PIGH: variants seen among roughly 807,000 people sequenced by gnomAD.
The protein encoded by PIGH is phosphatidylinositol glycan anchor biosynthesis class H.
PIGH carries 11 observed loss-of-function variants against 20.1 expected under a neutral mutation model. The observed-to-expected ratio is 0.55, with a 90% CI of 0.34 to 0.91. The LOEUF (loss-of-function observed/expected upper bound fraction) is 0.91. PIGH is among the 40% of genes least tolerant of loss of function. PIGH has a pLI of 0.02. For missense variants in PIGH, 189 were observed against 233.6 expected (o/e 0.81, Z 1.24); for synonymous variants, 72 against 93.1 (o/e 0.77, Z 1.31).
At chr14:67,598,550 G>A (rs2036515333) in intron 1 of PIGH, among the ~76,000 whole-genome samples, 1 of 152,116 alleles carries the variant, frequency 6.6e-6, no homozygotes, top group South Asian at 2.1e-4. Context: ...GCATCTGGCA[G>A]TCAGTGGGCA....
chr14:67,594,014 A>ATTGCC, intron 1 of PIGH, 62 bp from the exon 2 acceptor site: 1 of 1,092,578 alleles, frequency 9.2e-7, no homozygotes, highest in Non-Finnish European at 1.4e-6. Flanking sequence ...ACTCCAGGCA[A>ATTGCC]TGAGGGGAAC....
intron 1 of PIGH, among the ~76,000 whole-genome samples, chr14:67,596,910 A>G (rs2036486111): frequency 6.6e-6 from 1 of 152,200 alleles, no homozygotes; most frequent in Non-Finnish European, 1.5e-5. Context: ...CTTTTCCCCT[A>G]CTGTAATAGT....
chr14:67,593,274 G>A, intron 2 of PIGH: 1 of 178,388 alleles, frequency 5.6e-6, no homozygotes, highest in Non-Finnish European at 1.2e-5. Context: ...AGGATGGCTT[G>A]AGCCCAGGAA....
chr14:67,592,992 G>A (rs2036404270), intron 2 of PIGH, among the ~76,000 whole-genome samples: 3 of 152,142 alleles, frequency 2.0e-5, no homozygotes, highest in Admixed American at 6.5e-5. Context: ...TCACCATGTT[G>A]GTCAGGCTGG....
rs2036554986 is a variant in PIGH, at chr14:67,600,226, C to T, written c.-23G>A. The stretch of plus-strand genomic sequence containing the variant: ...CATGACGCCCCCACTCGGCCGCCCG[C>T]ACCGCGCGGCGCTGCACTGCGCTCG... On this transcript the variant is annotated 5_prime_UTR_variant, in exon 1 of 4. Transcript: ENST00000216452. 1 of 1,544,962 alleles carries T rather than the reference C, an allele frequency of 6.5e-7. No individual in the cohort carries two copies. The highest frequency in any genetic ancestry group is 8.7e-7 in the Non-Finnish European group (1 of 1,146,772).
intron 3 of PIGH, chr14:67,592,278 T>TAA (rs751059303): frequency 3.2e-4 from 108 of 342,608 alleles, no homozygotes; most frequent in Middle Eastern, 1.0e-3. Context: ...CTACTAAAAA[T>TAA]AAAAAAAAAA....
chr14:67,589,928 C>T lies in PIGH; in HGVS notation c.*152G>A, dbSNP rs1235479090. ...ACGGAAATATACTGAGTTAGATTTCCAGTCACCTGCTCTATGGCTCTAAGA... is the reference window on the plus strand; with the variant it reads ...ACGGAAATATACTGAGTTAGATTTCTAGTCACCTGCTCTATGGCTCTAAGA... On this transcript the variant is annotated 3_prime_UTR_variant, in exon 4 of 4. Coordinates refer to ENST00000216452, the MANE Select transcript of PIGH (RefSeq NM_004569.5). 3.8e-6 allele frequency: 5 copies of T among 1,299,964 alleles called. No individual in the cohort carries two copies. The highest frequency in any genetic ancestry group is 3.9e-6 in the Non-Finnish European group (4 of 1,022,826). 80.5% of individuals were successfully genotyped at this position (1,299,964 alleles called of 1,614,324 possible).
chr14:67,592,129 T>TTG (rs1363046456), intron 3 of PIGH: 1 of 178,842 alleles, frequency 5.6e-6, no homozygotes, highest in Non-Finnish European at 1.2e-5. Flanking sequence ...ATATATTTGA[T>TTG]TGTGTTCTTT....
At chr14:67,595,059 C>T (rs971150536) in intron 1 of PIGH, among the ~76,000 whole-genome samples, 6 of 151,708 alleles carry the variant, frequency 4.0e-5, no homozygotes, top group Non-Finnish European at 8.8e-5. Flanking sequence ...ATGGCGTGAA[C>T]CCAGGAGGTG....
chr14:67,589,458 G>T lies in PIGH; in HGVS notation c.*622C>A. The T allele has an allele frequency of 1.0e-6, 1 of 985,292 alleles. No homozygotes were observed. The highest frequency in any genetic ancestry group is 1.2e-6 in the Non-Finnish European group (1 of 829,816). 61.0% of individuals were successfully genotyped at this position (985,292 alleles called of 1,614,324 possible). On this transcript the variant is annotated 3_prime_UTR_variant, in exon 4 of 4. Transcript: ENST00000216452. ...AAAAAAAATGCTGAGTAACAGAAAA[G>T]TATTAATGTGCTTGACACCATGACT...
At position 67,593,895 on chromosome 14, in the gene PIGH, G is replaced by A; in HGVS notation, c.238C>T (p.Leu80Phe). The A allele has an allele frequency of 3.1e-6, 5 of 1,613,706 alleles. No individual in the cohort carries two copies. Among genetic ancestry groups the A allele is most frequent in the Non-Finnish European group, 4.2e-6 (5 of 1,179,674 alleles). Residue 80 changes from leucine to phenylalanine, a missense_variant, in exon 2 of 4, where the codon CTC becomes TTC. Physicochemically the swap from Leu to Phe is conservative, Grantham distance 22. Transcript: ENST00000216452. ...FITLLGLLGY[L>F]HFVKIDQETL... ...TCCTGATCAATCTTCACAAAATGGAGATAACCAAGCAGACCTAAGAGGGTG... is the reference window on the plus strand; with the variant it reads ...TCCTGATCAATCTTCACAAAATGGAAATAACCAAGCAGACCTAAGAGGGTG...
chr14:67,591,063 A>T (rs888696513), intron 3 of PIGH, among the ~76,000 whole-genome samples: 1 of 152,194 alleles, frequency 6.6e-6, no homozygotes, highest in Non-Finnish European at 1.5e-5. Flanking sequence ...TGCACTACCT[A>T]AAATATATAA....
At chr14:67,595,067 G>A (rs981181566) in intron 1 of PIGH, among the ~76,000 whole-genome samples, 1 of 152,078 alleles carries the variant, frequency 6.6e-6, no homozygotes, top group Non-Finnish European at 1.5e-5. Context: ...AACCCAGGAG[G>A]TGGAGCTTGC....
At chr14:67,591,084 A>T (rs1336484814) in intron 3 of PIGH, among the ~76,000 whole-genome samples, 3 of 152,204 alleles carry the variant, frequency 2.0e-5, no homozygotes, top group African/African-American at 7.2e-5. Flanking sequence ...AGAATTGTTA[A>T]AAATATATAA....
intron 1 of PIGH, among the ~76,000 whole-genome samples, chr14:67,598,669 T>G (rs984406130): frequency 3.3e-5 from 5 of 151,894 alleles, no homozygotes; most frequent in Non-Finnish European, 1.5e-5. Context: ...TTAGGGGGGC[T>G]ATCAAGTCAA....
At position 67,592,725 on chromosome 14, in the gene PIGH, GA is replaced by G. The variant is rs756706199; in HGVS notation, c.391-8del. On this transcript the variant is annotated splice_polypyrimidine_tract_variant and splice_region_variant and intron_variant, in intron 2 of 3. Transcript: ENST00000216452. ...GGTAGTAAATCACCTTCTGCTGTAA[GA>G]AAATAAATCAAATAGCAAAGTCTAA... 1.9e-6 allele frequency: 3 copies of G among 1,550,558 alleles called. No individual in the cohort carries two copies. The Admixed American group carries it at 5.1e-5, about 26-fold the overall frequency.
chr14:67,598,893 A>G lies in PIGH; in HGVS notation c.180+1131T>C, dbSNP rs149994567. Among the ~76,000 whole-genome samples, 1,130 of 152,044 alleles carry G rather than the reference A, an allele frequency of 7.4e-3. 18 individuals carry two copies. The highest frequency in any genetic ancestry group is 0.026 in the African/African-American group (1,064 of 41,452). On this transcript the variant is annotated intron_variant, in intron 1 of 3. Coordinates refer to ENST00000216452, the MANE Select transcript of PIGH (RefSeq NM_004569.5). The stretch of plus-strand genomic sequence containing the variant: ...CCCAGCTAATGTTTGAATTTTTCGT[A>G]GAGACGTGGTTTCACCATGTTGGCC...
chr14:67,599,055 G>C (rs966763223), intron 1 of PIGH, among the ~76,000 whole-genome samples: 2 of 152,128 alleles, frequency 1.3e-5, no homozygotes, highest in African/African-American at 2.4e-5. Context: ...CCTGCAATTA[G>C]GGCAGTCTTA....
chr14:67,600,141 G>T lies in PIGH; in HGVS notation c.63C>A (p.Tyr21Ter). 6.3e-7 allele frequency: 1 copy of T among 1,594,242 alleles called. No homozygotes were observed. Residue 21 changes from tyrosine (Y) to a stop codon, truncating the protein, a stop_gained, in exon 1 of 4, where the codon TAC becomes TAA. Coordinates refer to ENST00000216452, the MANE Select transcript of PIGH (RefSeq NM_004569.5). LOFTEE classifies it high-confidence loss of function. Reference sequence around the variant, plus strand: ...AGAATTCCCGGCAGGACGGGGAGTAGTAGCGGCGCTGCAGCGCCAGGCGGC... The same window carrying T: ...AGAATTCCCGGCAGGACGGGGAGTATTAGCGGCGCTGCAGCGCCAGGCGGC... ...CGGRLALQRRYYSPSCREFCL... is the reference protein window; with the variant it reads ...CGGRLALQRR
Sources: allele counts gnomAD v4.1 joint callset (sites outside exome capture counted in the v4.1 genomes callset), GRCh38; gene constraint gnomAD v4.1.1; transcripts MANE v1.5; gene names NCBI Gene and HGNC (gene_info 2026-07-23, HGNC 2026-07-21).